Variants in MICAL3 observed in about 807,000 individuals in gnomAD.
MICAL3 encodes the protein microtubule associated monooxygenase, calponin and LIM domain containing 3, also known as [F-actin]-monooxygenase MICAL3.
In MICAL3, 62 loss-of-function variants were observed where a neutral mutation model predicts 207.4. That is an observed-to-expected ratio of 0.30 (90% CI 0.24 to 0.37). The LOEUF is 0.37. Among genes scored for constraint, MICAL3 ranks in the 10% least tolerant of loss-of-function variants. The probability of loss-of-function intolerance (pLI) is 1.00; values close to 1 mark genes in which losing one functional copy is unlikely to be tolerated. For missense variants in MICAL3, 2,368 were observed against 2,635.6 expected, an observed-to-expected ratio of 0.90 and a Z score of 2.22; for synonymous variants, 1,077 against 1,069.3, an observed-to-expected ratio of 1.01 and a Z score of -0.14.
At chr22:17,944,167 C>T (rs1019449614) in intron 1 of MICAL3, among the ~76,000 whole-genome samples, 1 of 152,192 alleles carries the variant, frequency 6.6e-6, no homozygotes, top group African/African-American at 2.4e-5. Flanking sequence ...GAGAAAAAGA[C>T]TTTGGTTGAC....
chr22:17,816,644 C>T, intron 27 of MICAL3, 46 bp downstream of exon 27: 1 of 1,424,912 alleles, frequency 7.0e-7, no homozygotes, highest in Non-Finnish European at 9.7e-7. Flanking sequence ...CAACAATGAA[C>T]AGACAGGGCC....
intron 1 of MICAL3, among the ~76,000 whole-genome samples, chr22:17,966,799 T>C (rs917579575): frequency 4.6e-5 from 7 of 152,230 alleles, no homozygotes; most frequent in African/African-American, 1.7e-4. Flanking sequence ...CTGCCCCCAG[T>C]GTAGCCTGAG....
chr22:18,024,022 AGTGTGTGGTAC>A (rs1358758980), intron 1 of MICAL3, among the ~76,000 whole-genome samples: 2 of 152,046 alleles, frequency 1.3e-5, no homozygotes, highest in African/African-American at 4.8e-5. Flanking sequence ...GGCTCTGGGG[AGTGTGTGGTAC>A]GTGGCATCCG....
chr22:17,898,358 G>GA (rs367833048), intron 7 of MICAL3, among the ~76,000 whole-genome samples: 40 of 152,348 alleles, frequency 2.6e-4, no homozygotes, highest in African/African-American at 9.1e-4. Flanking sequence ...ATGCTTTTGG[G>GA]AAAGTGGGCT....
At chr22:17,957,583 C>T (rs187372609) in intron 1 of MICAL3, among the ~76,000 whole-genome samples, 3 of 151,874 alleles carry the variant, frequency 2.0e-5, no homozygotes, top group African/African-American at 7.2e-5. Flanking sequence ...TGGTCGCGTG[C>T]GCCTGTAATC....
At chr22:17,922,860 A>C (rs1284591891) in intron 1 of MICAL3, among the ~76,000 whole-genome samples, 2 of 152,194 alleles carry the variant, frequency 1.3e-5, no homozygotes, top group Non-Finnish European at 2.9e-5. Context: ...ATTTTCATGG[A>C]GAAAATCTCA....
intron 1 of MICAL3, among the ~76,000 whole-genome samples, chr22:18,001,734 G>A (rs1923035881): frequency 1.3e-5 from 2 of 152,232 alleles, no homozygotes; most frequent in Non-Finnish European, 1.5e-5. Flanking sequence ...CGTCCTCTCC[G>A]TCCCCCTGCA....
chr22:17,849,423 A>C (rs145677612), intron 19 of MICAL3, among the ~76,000 whole-genome samples: 1 of 152,178 alleles, frequency 6.6e-6, no homozygotes, highest in East Asian at 1.9e-4. Flanking sequence ...CAGACTCAAA[A>C]TCTTGGGCTC....
At chr22:17,884,807 T>C (rs1929733536) in intron 16 of MICAL3, among the ~76,000 whole-genome samples, 1 of 152,150 alleles carries the variant, frequency 6.6e-6, no homozygotes, top group African/African-American at 2.4e-5. Flanking sequence ...ATGAATATCA[T>C]CACCTTTTCT....
At chr22:17,804,246 G>T (rs2061968135) in intron 29 of MICAL3, among the ~76,000 whole-genome samples, 1 of 152,158 alleles carries the variant, frequency 6.6e-6, no homozygotes, top group South Asian at 2.1e-4. Flanking sequence ...GGGGCTGCCT[G>T]CGTGTCAGTT....
In MICAL3 at chr22:17,954,575, A is replaced by C. The variant is rs529627185; in HGVS notation, c.-74-47689T>G. ...AACTGGATTTTCCAAGGAAGTACAT[A>C]GATGGGCCTAGCAAAAGATTCAAAA... On this transcript the variant is annotated intron_variant, in intron 1 of 31. Transcript: ENST00000441493. Among the ~76,000 whole-genome samples the C allele has an allele frequency of 4.1e-4, 62 of 152,324 alleles. 1 individual carries two copies. Among genetic ancestry groups the C allele is most frequent in the African/African-American group, 1.5e-3 (62 of 41,572 alleles).
chr22:18,012,889 G>A (rs1481980630), intron 1 of MICAL3, among the ~76,000 whole-genome samples: 1 of 152,186 alleles, frequency 6.6e-6, no homozygotes, highest in African/African-American at 2.4e-5. Context: ...GGTAACTGTG[G>A]CTTTAGCCTG....
chr22:17,905,682 T>C (rs79955289), intron 2 of MICAL3, among the ~76,000 whole-genome samples: 125 of 152,278 alleles, frequency 8.2e-4, no homozygotes, highest in Non-Finnish European at 1.5e-3. Flanking sequence ...CATGAAGTCA[T>C]CTGCAAATTT....
chr22:17,819,706 G>A (rs1282856878), intron 25 of MICAL3, among the ~76,000 whole-genome samples: 4 of 151,996 alleles, frequency 2.6e-5, no homozygotes, highest in African/African-American at 4.8e-5. Context: ...TTGGGAGGAC[G>A]AAGTGGGCAG....
Position 17,887,429 on chromosome 22 carries a change from A to C in MICAL3, c.1898T>G (p.Leu633Trp). The change falls in exon 14 of 32, where the codon TTG (leucine) becomes TGG (tryptophan). Residue 633 changes from leucine (L) to tryptophan (W), a missense_variant. By Grantham distance (61) the Leu-to-Trp change is moderately conservative. This residue lies in a region of MICAL3 where 1,770 missense variants were observed against 1,863.2 expected (regional missense o/e 0.95). Coordinates refer to ENST00000441493, the MANE Select transcript of MICAL3 (RefSeq NM_015241.3). Reference sequence around the variant, plus strand: ...TGCTTTCTCCTCGGCATTTAGGTCCAAGGTGTCTGGGAATAGAAACCAGTG... The same window carrying C: ...TGCTTTCTCCTCGGCATTTAGGTCCCAGGTGTCTGGGAATAGAAACCAGTG... ...FKDSLPSSDT[L>W]DLNAEEKAVL... 1.2e-6 allele frequency: 2 copies of C among 1,611,728 alleles called. No homozygotes were observed. Among genetic ancestry groups the C allele is most frequent in the Non-Finnish European group, 1.7e-6 (2 of 1,178,268 alleles).
chr22:17,987,850 C>G (rs1011806509), intron 1 of MICAL3, among the ~76,000 whole-genome samples: 13 of 152,206 alleles, frequency 8.5e-5, no homozygotes, highest in Non-Finnish European at 1.5e-4. Flanking sequence ...CAAATGGGGT[C>G]AAACGATCAA....
At chr22:17,987,240 CGAAAAAA>C (rs990264602) in intron 1 of MICAL3, among the ~76,000 whole-genome samples, 10 of 151,864 alleles carry the variant, frequency 6.6e-5, no homozygotes, top group Non-Finnish European at 1.3e-4. Flanking sequence ...GACCCTAACT[CGAAAAAA>C]GAAAAAGAAA....
At chr22:17,927,343 T>A (rs2146309208) in intron 1 of MICAL3, among the ~76,000 whole-genome samples, 1 of 152,338 alleles carries the variant, frequency 6.6e-6, no homozygotes, top group Non-Finnish European at 1.5e-5. Flanking sequence ...AATGGACAAC[T>A]GGGCTGTTTC....
intron 1 of MICAL3, among the ~76,000 whole-genome samples, chr22:17,970,923 T>G (rs1935384199): frequency 6.6e-6 from 1 of 152,190 alleles, no homozygotes; most frequent in Admixed American, 6.5e-5. Context: ...GGCACACACC[T>G]GTGATCCCAG....
Sources: allele counts gnomAD v4.1 joint callset (sites outside exome capture counted in the v4.1 genomes callset), GRCh38; gene constraint gnomAD v4.1.1; regional missense constraint gnomAD v4.1.1; transcripts MANE v1.5; gene names NCBI Gene and HGNC (gene_info 2026-07-23, HGNC 2026-07-21).